Variants in ENTPD1 observed in about 807,000 individuals in gnomAD.
ENTPD1 encodes the protein ectonucleoside triphosphate diphosphohydrolase 1.
Under a neutral mutation model 57.0 loss-of-function variants are expected in ENTPD1, and 33 were observed. The ratio of observed to expected loss-of-function variants is 0.58; its 90% CI spans 0.44 to 0.77. The LOEUF (loss-of-function observed/expected upper bound fraction) is 0.77, where lower values mean the gene tolerates loss of function less well. Ranked by LOEUF, ENTPD1 falls within the 30% of genes least tolerant of loss-of-function variation. The probability of loss-of-function intolerance (pLI) is 0.00; values close to 1 mark genes in which losing one functional copy is unlikely to be tolerated. For synonymous variants in ENTPD1, 202 were observed against 218.8 expected, an observed-to-expected ratio of 0.92 and a Z score of 0.68; for missense variants, 501 against 603.4, an observed-to-expected ratio of 0.83 and a Z score of 1.78.
chr10:95,825,092 C>G (rs955837772), intron 2 of ENTPD1, among the ~76,000 whole-genome samples: 1 of 152,156 alleles, frequency 6.6e-6, no homozygotes, highest in Non-Finnish European at 1.5e-5. Flanking sequence ...AGCCACTAGC[C>G]ACATGCAGCT....
Position 95,823,359 on chromosome 10 carries a change from G to A in ENTPD1, c.139G>A (p.Val47Ile), listed in dbSNP as rs771708732. The A allele has an allele frequency of 2.9e-5, 47 of 1,613,932 alleles. No homozygotes were observed. The Middle Eastern group carries it at 4.9e-4, about 17-fold the overall frequency. ...LTQNKALPEN[V>I]KYGIVLDAGS... ...CCAGAACAAAGCATTGCCAGAAAAC[G>A]TTAAGGTAAGTCAAATATATCTGTG... is the stretch of plus-strand genomic sequence containing the variant. The change falls in exon 2 of 10, where the codon GTT becomes ATT. Residue 47 changes from valine to isoleucine, a missense_variant. Transcript: ENST00000371205.
At chr10:95,844,678 C>A (rs753382885) in intron 5 of ENTPD1, 43 bp downstream of exon 5, 16 of 1,611,356 alleles carry the variant, frequency 9.9e-6, no homozygotes, top group Non-Finnish European at 1.3e-5. Context: ...CTCTGGAGGC[C>A]AATGCCATTG....
At chr10:95,839,931 G>A in intron 3 of ENTPD1, 123 bp downstream of exon 3, 1 of 896,838 alleles carries the variant, frequency 1.1e-6, no homozygotes, top group Non-Finnish European at 1.8e-6. Flanking sequence ...GAAGAAAACA[G>A]TGCAGCTGCT....
chr10:95,829,774 A>T (rs558028121), intron 2 of ENTPD1, among the ~76,000 whole-genome samples: 1 of 152,220 alleles, frequency 6.6e-6, no homozygotes, highest in African/African-American at 2.4e-5. Flanking sequence ...GATCCCTCCA[A>T]AACTCATGTT....
intron 2 of ENTPD1, among the ~76,000 whole-genome samples, chr10:95,834,895 C>T (rs2098405743): frequency 6.6e-6 from 1 of 151,874 alleles, no homozygotes; most frequent in South Asian, 2.1e-4. Flanking sequence ...TGCACTCCAG[C>T]CTGGGTGACA....
Position 95,853,764 on chromosome 10 carries a change from C to G in ENTPD1, c.1074+6058C>G, listed in dbSNP as rs188818166. 3.3e-5 allele frequency among the ~76,000 whole-genome samples: 5 copies of G among 152,262 alleles called. No individual in the cohort carries two copies. In the East Asian group the frequency reaches 9.6e-4, roughly 29 times the overall value. Reference sequence around the variant, plus strand: ...GATTTTCGTATGTTGATCCAGCCTTCCATCCCAGGGATGAAGCCCACTTCA... The same window carrying G: ...GATTTTCGTATGTTGATCCAGCCTTGCATCCCAGGGATGAAGCCCACTTCA... On this transcript the variant is annotated intron_variant, in intron 7 of 9. Coordinates refer to ENST00000371205, the MANE Select transcript of ENTPD1 (RefSeq NM_001776.6).
chr10:95,742,217 A>G (rs541664703), intron 1 of ENTPD1, among the ~76,000 whole-genome samples: 25 of 152,304 alleles, frequency 1.6e-4, no homozygotes, highest in Middle Eastern at 3.4e-3. Flanking sequence ...GGCAAGTATT[A>G]ATACAATTCT....
chr10:95,816,358 T>G (rs2098330047), intron 1 of ENTPD1, among the ~76,000 whole-genome samples: 1 of 152,218 alleles, frequency 6.6e-6, no homozygotes, highest in African/African-American at 2.4e-5. Flanking sequence ...AGTTACTTAA[T>G]CTCTCTGTGA....
At chr10:95,805,835 T>C (rs889767458) in intron 1 of ENTPD1, among the ~76,000 whole-genome samples, 1 of 152,356 alleles carries the variant, frequency 6.6e-6, no homozygotes, top group African/African-American at 2.4e-5. Flanking sequence ...CTCTTCTGGC[T>C]TGTAGAGTTT....
At chr10:95,744,620 C>CAAA (rs35460146) in intron 1 of ENTPD1, among the ~76,000 whole-genome samples, 1 of 140,838 alleles carries the variant, frequency 7.1e-6, no homozygotes. Context: ...GACTCTGTCT[C>CAAA]AAAAAAAAAA....
chr10:95,705,659 T>G, the ENTPD1 span, among the ~76,000 whole-genome samples: 1,024 of 152,266 alleles, frequency 6.7e-3, 12 homozygotes, highest in African/African-American at 0.023. Flanking sequence ...ACCTGGCTAA[T>G]TTTTGTATTT....
intron 1 of ENTPD1, among the ~76,000 whole-genome samples, chr10:95,736,788 C>T (rs1029761191): frequency 4.6e-5 from 7 of 152,118 alleles, no homozygotes; most frequent in Non-Finnish European, 1.0e-4. Flanking sequence ...CTTCCACCCC[C>T]CAACCCTTAA....
chr10:95,734,892 C>A (rs2097992915), intron 1 of ENTPD1, among the ~76,000 whole-genome samples: 1 of 152,194 alleles, frequency 6.6e-6, no homozygotes, highest in South Asian at 2.1e-4. Context: ...TGTCATTGTG[C>A]AGGCTTCAGA....
chr10:95,867,625 G>A lies in ENTPD1; in HGVS notation c.*1242G>A. The A allele has an allele frequency of 2.2e-5, 22 of 985,422 alleles. No homozygotes were observed. Among genetic ancestry groups the A allele is most frequent in the Non-Finnish European group, 2.7e-5 (22 of 829,942 alleles). 61.0% of individuals were successfully genotyped at this position (985,422 alleles called of 1,614,324 possible). A position where few individuals can be genotyped will look rare whatever the true frequency, so the allele number is the denominator to read the frequency against. On this transcript the variant is annotated 3_prime_UTR_variant, in exon 10 of 10. Coordinates refer to ENST00000371205, the MANE Select transcript of ENTPD1 (RefSeq NM_001776.6). Reference sequence around the variant, plus strand: ...CATGGGCTTTGTTTGCTTATTCCATGAAGCAGCAGCTATAGACCTTACCAT... The same window carrying A: ...CATGGGCTTTGTTTGCTTATTCCATAAAGCAGCAGCTATAGACCTTACCAT...
intron 1 of ENTPD1, among the ~76,000 whole-genome samples, chr10:95,811,292 G>A (rs546648433): frequency 1.9e-4 from 29 of 152,338 alleles, no homozygotes; most frequent in African/African-American, 6.7e-4. Flanking sequence ...AGCTGCTTGA[G>A]TTAATCAGGT....
At chr10:95,829,091 A>G (rs566351763) in intron 2 of ENTPD1, among the ~76,000 whole-genome samples, 87 of 152,344 alleles carry the variant, frequency 5.7e-4, no homozygotes, top group African/African-American at 1.9e-3. Context: ...ACTAGAATCC[A>G]GTTTTCTGAT....
chr10:95,805,945 T>C (rs1051912763), intron 1 of ENTPD1, among the ~76,000 whole-genome samples: 2 of 152,220 alleles, frequency 1.3e-5, no homozygotes, highest in Non-Finnish European at 1.5e-5. Flanking sequence ...ATTTCAACCT[T>C]GGTGAATCTG....
intron 1 of ENTPD1, among the ~76,000 whole-genome samples, chr10:95,720,751 G>T (rs1485108539): frequency 6.6e-6 from 1 of 152,186 alleles, no homozygotes; most frequent in Non-Finnish European, 1.5e-5. Flanking sequence ...GACATAAGGG[G>T]CATGGACGAG....
chr10:95,855,725 G>C (rs1470317809), intron 7 of ENTPD1, among the ~76,000 whole-genome samples: 2 of 152,112 alleles, frequency 1.3e-5, no homozygotes, highest in Non-Finnish European at 2.9e-5. Flanking sequence ...TGAAATTCTG[G>C]GTTGAAAATT....
Sources: allele counts gnomAD v4.1 joint callset (sites outside exome capture counted in the v4.1 genomes callset), GRCh38; gene constraint gnomAD v4.1.1; transcripts MANE v1.5; gene names NCBI Gene and HGNC (gene_info 2026-07-23, HGNC 2026-07-21).